PTPRD: variants seen among roughly 807,000 people sequenced by gnomAD.
PTPRD encodes the protein protein tyrosine phosphatase receptor type D.
PTPRD carries 34 observed loss-of-function variants against 214.5 expected under a neutral mutation model. The ratio of observed to expected loss-of-function variants is 0.16; its 90% CI spans 0.12 to 0.21. PTPRD has a LOEUF of 0.21. Among genes scored for constraint, PTPRD ranks in the 10% least tolerant of loss-of-function variants. PTPRD has a pLI of 1.00. For missense variants in PTPRD, 2,545 were observed against 2,398.7 expected, an observed-to-expected ratio of 1.06 and a Z score of -1.27; for synonymous variants, 1,128 against 845.7, an observed-to-expected ratio of 1.33 and a Z score of -5.79.
rs554299421 is a variant in PTPRD, at chr9:8,967,977, C to T, written c.-104+50720G>A. ...GTCCAAGTGTTCTCATTGTTCAATT[C>T]CTACCTATGAGTGAGAACATGTGGT... is the stretch of plus-strand genomic sequence containing the variant. On this transcript the variant is annotated intron_variant, in intron 11 of 45. Transcript: ENST00000381196. Among the ~76,000 whole-genome samples the T allele has an allele frequency of 1.6e-4, 24 of 152,170 alleles. No individual in the cohort carries two copies. In the South Asian group the frequency reaches 5.0e-3, roughly 32 times the overall value.
At chr9:10,512,084 G>A (rs974242940) in intron 2 of PTPRD, among the ~76,000 whole-genome samples, 2 of 145,386 alleles carry the variant, frequency 1.4e-5, no homozygotes, top group Admixed American at 1.4e-4. Context: ...CTATGATTAG[G>A]ACTAAGAAAC....
intron 7 of PTPRD, among the ~76,000 whole-genome samples, chr9:9,664,743 C>A (rs1564407240): frequency 6.6e-6 from 1 of 151,612 alleles, no homozygotes; most frequent in Non-Finnish European, 1.5e-5. Flanking sequence ...AGGAGTCTTG[C>A]AGTCCATGTC....
chr9:10,356,238 G>A (rs562377680), intron 2 of PTPRD, among the ~76,000 whole-genome samples: 1 of 152,112 alleles, frequency 6.6e-6, no homozygotes, highest in South Asian at 2.1e-4. Context: ...AAGAAGTAAA[G>A]TGGTGAAGAC....
At chr9:8,327,983 T>C (rs1369251963) in intron 44 of PTPRD, among the ~76,000 whole-genome samples, 1 of 152,164 alleles carries the variant, frequency 6.6e-6, no homozygotes, top group Non-Finnish European at 1.5e-5. Context: ...TTGGCCAGTG[T>C]GTGTCTTTTA....
intron 10 of PTPRD, among the ~76,000 whole-genome samples, chr9:9,166,672 A>G (rs1171098695): frequency 1.3e-5 from 2 of 152,152 alleles, no homozygotes; most frequent in Non-Finnish European, 2.9e-5. Flanking sequence ...TTAGTTCACT[A>G]CAACCTGTAA....
chr9:9,129,074 G>A (rs1038647360), intron 10 of PTPRD, among the ~76,000 whole-genome samples: 1 of 152,174 alleles, frequency 6.6e-6, no homozygotes, highest in African/African-American at 2.4e-5. Context: ...CTTACAAGCA[G>A]TCCTAACACA....
At chr9:10,586,860 G>A (rs1015206791) in intron 2 of PTPRD, among the ~76,000 whole-genome samples, 6 of 146,928 alleles carry the variant, frequency 4.1e-5, no homozygotes, top group African/African-American at 1.5e-4. Context: ...CTCTCATTTT[G>A]TAGATTTTCC....
chr9:10,161,753 G>C (rs1184233009), intron 3 of PTPRD, among the ~76,000 whole-genome samples: 2 of 151,518 alleles, frequency 1.3e-5, no homozygotes, highest in Admixed American at 6.6e-5. Flanking sequence ...ATAAAATAAA[G>C]ACATAACTTA....
chr9:8,447,246 CTT>C (rs2095767104), intron 34 of PTPRD, among the ~76,000 whole-genome samples: 2 of 152,122 alleles, frequency 1.3e-5, no homozygotes, highest in African/African-American at 2.4e-5. Flanking sequence ...CAGCTCCTCT[CTT>C]ATCTCATTTT....
chr9:8,716,003 T>G (rs539846178), intron 12 of PTPRD, among the ~76,000 whole-genome samples: 28 of 152,250 alleles, frequency 1.8e-4, no homozygotes, highest in Non-Finnish European at 2.8e-4. Flanking sequence ...TGAACTACTG[T>G]TCACCTGCTC....
At chr9:9,937,157 A>G (rs893167113) in intron 5 of PTPRD, among the ~76,000 whole-genome samples, 1 of 152,090 alleles carries the variant, frequency 6.6e-6, no homozygotes, top group Non-Finnish European at 1.5e-5. Flanking sequence ...GCGCACCAGC[A>G]TGGCACATGT....
chr9:10,297,615 T>C (rs2095719960), intron 3 of PTPRD, among the ~76,000 whole-genome samples: 2 of 151,792 alleles, frequency 1.3e-5, no homozygotes, highest in Admixed American at 1.3e-4. Context: ...TGCAAGTTGC[T>C]GGTGTACACT....
At chr9:8,949,555 T>C (rs969564227) in intron 11 of PTPRD, among the ~76,000 whole-genome samples, 4 of 152,098 alleles carry the variant, frequency 2.6e-5, no homozygotes, top group African/African-American at 4.8e-5. Context: ...AAGTCATGCA[T>C]CAGATTACAA....
chr9:8,843,913 C>A (rs928631463), intron 11 of PTPRD, among the ~76,000 whole-genome samples: 2 of 152,284 alleles, frequency 1.3e-5, no homozygotes, highest in South Asian at 4.1e-4. Context: ...TTAGGTTCCT[C>A]AGCAAAACAA....
chr9:8,331,806 A>ACAAGAACAATCATTT (rs1404291934), intron 43 of PTPRD, 70 bp from the exon 44 acceptor site: 9 of 1,478,298 alleles, frequency 6.1e-6, no homozygotes, highest in Middle Eastern at 2.3e-4. Context: ...CATACGGACC[A>ACAAGAACAATCATTT]CAAGAACAAT....
intron 11 of PTPRD, among the ~76,000 whole-genome samples, chr9:8,768,877 C>G (rs1424670610): frequency 7.9e-5 from 12 of 152,140 alleles, no homozygotes; most frequent in Admixed American, 7.9e-4. Context: ...AATCATTAAA[C>G]AGTTTGCAAG....
intron 2 of PTPRD, among the ~76,000 whole-genome samples, chr9:10,511,883 T>TATAC (rs757426809): frequency 1.8e-4 from 25 of 140,842 alleles, no homozygotes; most frequent in Non-Finnish European, 3.1e-4. Context: ...TGTGTGTATA[T>TATAC]ACACACACAC....
intron 11 of PTPRD, among the ~76,000 whole-genome samples, chr9:8,942,119 T>C (rs1033252661): frequency 6.6e-6 from 1 of 152,208 alleles, no homozygotes; most frequent in Non-Finnish European, 1.5e-5. Flanking sequence ...AATAAAGGTC[T>C]TAATGCAACC....
chr9:9,467,587 C>CTAAAAAAAAAAAAAAA (rs1569568593), intron 8 of PTPRD, among the ~76,000 whole-genome samples: 1 of 13,884 alleles, frequency 7.2e-5, no homozygotes, highest in Non-Finnish European at 1.5e-4. Context: ...ACTCCATCTC[C>CTAAAAAAAAAAAAAAA]CAAAAAAAAA....
Sources: gnomAD v4.1 joint callset for allele counts (sites outside exome capture counted in the v4.1 genomes callset) on GRCh38, gnomAD v4.1.1 for gene constraint, MANE v1.5 for transcripts, NCBI Gene and HGNC (gene_info 2026-07-23, HGNC 2026-07-21) for gene names.